DPP10: variants seen among roughly 807,000 people sequenced by gnomAD.
DPP10 encodes inactive dipeptidyl peptidase 10.
A neutral mutation model predicts 120.9 loss-of-function variants in DPP10; 33 were observed. The observed-to-expected ratio is 0.27, with a 90% confidence interval of 0.21 to 0.37. The LOEUF (loss-of-function observed/expected upper bound fraction) is 0.37, where lower values mean the gene tolerates loss of function less well. Ranked by LOEUF, DPP10 falls within the 10% of genes least tolerant of loss-of-function variation. DPP10 has a pLI of 1.00. For synonymous variants in DPP10, 337 were observed against 326.1 expected (o/e 1.03, Z -0.36); for missense variants, 816 against 942.8 (o/e 0.87, Z 1.76).
intron 3 of DPP10, among the ~76,000 whole-genome samples, chr2:115,362,299 A>G (rs898792021): frequency 1.3e-5 from 2 of 152,208 alleles, no homozygotes; most frequent in African/African-American, 4.8e-5. Context: ...AACTAAGGCC[A>G]GATACCATGC....
intron 3 of DPP10, among the ~76,000 whole-genome samples, chr2:115,474,516 A>G (rs548501944): frequency 6.6e-6 from 1 of 152,270 alleles, no homozygotes; most frequent in African/African-American, 2.4e-5. Flanking sequence ...CCCATGCCTT[A>G]TGGATCTTTG....
chr2:114,608,740 G>A (rs1205065175), intron 1 of DPP10, among the ~76,000 whole-genome samples: 1 of 151,928 alleles, frequency 6.6e-6, no homozygotes, highest in African/African-American at 2.4e-5. Flanking sequence ...CCTTTGCTGT[G>A]ATATGAATGC....
chr2:114,669,798 GA>G (rs545561281), intron 1 of DPP10, among the ~76,000 whole-genome samples: 3 of 151,956 alleles, frequency 2.0e-5, no homozygotes, highest in African/African-American at 7.3e-5. Context: ...ATTTCAGGGA[GA>G]AAAAATATAA....
At chr2:114,637,060 T>C (rs1695355235) in intron 1 of DPP10, among the ~76,000 whole-genome samples, 1 of 151,912 alleles carries the variant, frequency 6.6e-6, no homozygotes, top group East Asian at 1.9e-4. Flanking sequence ...ATTATTTACT[T>C]TTTGAAGAAC....
chr2:115,667,185 AT>A (rs1197898483), intron 5 of DPP10, among the ~76,000 whole-genome samples: 1 of 151,960 alleles, frequency 6.6e-6, no homozygotes, highest in Non-Finnish European at 1.5e-5. Flanking sequence ...CCTTTGCTTA[AT>A]TTTTAATATG....
chr2:114,816,898 C>G (rs1283173581), intron 1 of DPP10, among the ~76,000 whole-genome samples: 1 of 152,144 alleles, frequency 6.6e-6, no homozygotes, highest in African/African-American at 2.4e-5. Context: ...ACAAATGAAG[C>G]TTCTAAAAAG....
At chr2:115,421,193 G>A (rs541791198) in intron 3 of DPP10, among the ~76,000 whole-genome samples, 13 of 151,868 alleles carry the variant, frequency 8.6e-5, no homozygotes, top group Admixed American at 2.6e-4. Flanking sequence ...ATATGCCAGT[G>A]TAAATAATTG....
At chr2:114,543,501 GA>G (rs1321531553) in intron 1 of DPP10, among the ~76,000 whole-genome samples, 2 of 152,122 alleles carry the variant, frequency 1.3e-5, no homozygotes, top group Non-Finnish European at 2.9e-5. Context: ...CCTTTCCTGC[GA>G]ATGCTTCACG....
chr2:115,738,804 C>T (rs1257366448), intron 8 of DPP10, among the ~76,000 whole-genome samples: 4 of 152,208 alleles, frequency 2.6e-5, no homozygotes, highest in Admixed American at 6.5e-5. Flanking sequence ...TTATTAACTT[C>T]TGTATCTGTC....
chr2:114,627,020 C>CT (rs934821639), intron 1 of DPP10, among the ~76,000 whole-genome samples: 1 of 151,928 alleles, frequency 6.6e-6, no homozygotes, highest in Non-Finnish European at 1.5e-5. Context: ...TTTCCCTTTT[C>CT]TTTTTTTTCT....
At chr2:115,825,269 T>C (rs1411213699) in intron 21 of DPP10, among the ~76,000 whole-genome samples, 1 of 152,156 alleles carries the variant, frequency 6.6e-6, no homozygotes, top group Admixed American at 6.5e-5. Flanking sequence ...ACATATTGCT[T>C]TAGAATTCTA....
chr2:114,790,507 C>G (rs573522119), intron 1 of DPP10, among the ~76,000 whole-genome samples: 1 of 152,210 alleles, frequency 6.6e-6, no homozygotes, highest in South Asian at 2.1e-4. Flanking sequence ...ACCAAACAGG[C>G]TTTGTGTGAG....
rs549801432 is a variant in DPP10, at chr2:114,780,370, A to G, written c.60+337532A>G. 2.0e-5 allele frequency among the ~76,000 whole-genome samples: 3 copies of G among 152,226 alleles called. No individual in the cohort carries two copies. The South Asian group carries it at 6.2e-4, about 32-fold the overall frequency. ...AATATCCTTCATGTGTGATCTTTAT[A>G]TTCTTTGGAAAATCTAAAAGACTTA... On this transcript the variant is annotated intron_variant, in intron 1 of 25. Coordinates refer to ENST00000410059, the MANE Select transcript of DPP10 (RefSeq NM_020868.6).
chr2:115,150,099 T>A (rs2104891984), intron 1 of DPP10, among the ~76,000 whole-genome samples: 1 of 151,986 alleles, frequency 6.6e-6, no homozygotes, highest in Non-Finnish European at 1.5e-5. Flanking sequence ...ATAGAAAGAG[T>A]CTCAAACTGT....
At chr2:115,094,058 T>C (rs898094672) in intron 1 of DPP10, among the ~76,000 whole-genome samples, 3 of 152,130 alleles carry the variant, frequency 2.0e-5, no homozygotes, top group Non-Finnish European at 4.4e-5. Context: ...GCATGCCTAC[T>C]GGTTTTCAGG....
chr2:114,515,916 G>T (rs1175265708), intron 1 of DPP10, among the ~76,000 whole-genome samples: 3 of 151,764 alleles, frequency 2.0e-5, no homozygotes, highest in Admixed American at 6.6e-5. Flanking sequence ...TTAATTCTCC[G>T]CATGCTGAGA....
intron 10 of DPP10, among the ~76,000 whole-genome samples, chr2:115,751,680 G>A (rs548073076): frequency 6.6e-6 from 1 of 152,166 alleles, no homozygotes; most frequent in East Asian, 1.9e-4. Flanking sequence ...CATTCATGTA[G>A]TTGTATATCT....
Position 115,157,097 on chromosome 2 carries a change from G to A in DPP10, c.61-152142G>A, listed in dbSNP as rs529662347. Among the ~76,000 whole-genome samples, 29 of 152,198 alleles carry A rather than the reference G, an allele frequency of 1.9e-4. 1 individual carries two copies. The South Asian group carries it at 6.0e-3, about 32-fold the overall frequency. Reference sequence around the variant, plus strand: ...GCAGGTAAATTTCTCACGTTCTCAAGTTGTTTTGGTGTTACAATTCAGCTA... The same window carrying A: ...GCAGGTAAATTTCTCACGTTCTCAAATTGTTTTGGTGTTACAATTCAGCTA... On this transcript the variant is annotated intron_variant, in intron 1 of 25. Coordinates refer to ENST00000410059, the MANE Select transcript of DPP10 (RefSeq NM_020868.6).
At chr2:115,305,025 A>G (rs1298947439) in intron 1 of DPP10, among the ~76,000 whole-genome samples, 1 of 152,088 alleles carries the variant, frequency 6.6e-6, no homozygotes, top group East Asian at 1.9e-4. Context: ...GGCAATCACA[A>G]TGTTTAATAT....
Sources: allele counts gnomAD v4.1 joint callset (sites outside exome capture counted in the v4.1 genomes callset), GRCh38; gene constraint gnomAD v4.1.1; transcripts MANE v1.5; gene names NCBI Gene and HGNC (gene_info 2026-07-23, HGNC 2026-07-21).